The following ST6GALNAC3 variants were observed in gnomAD, a reference collection of about 807,000 sequenced individuals.
ST6GALNAC3 encodes ST6 N-acetylgalactosaminide alpha-2,6-sialyltransferase 3.
A neutral mutation model predicts 32.7 loss-of-function variants in ST6GALNAC3; 25 were observed. That is an observed-to-expected ratio of 0.76 (90% CI 0.56 to 1.07). The LOEUF (loss-of-function observed/expected upper bound fraction) is 1.07. Ranked by LOEUF, ST6GALNAC3 falls within the 50% of genes least tolerant of loss-of-function variation. The probability of loss-of-function intolerance (pLI) is 0.00; values close to 1 mark genes in which losing one functional copy is unlikely to be tolerated. For missense variants in ST6GALNAC3, 355 were observed against 382.4 expected (o/e 0.93, Z 0.60); for synonymous variants, 129 against 133.1 (o/e 0.97, Z 0.21).
intron 1 of ST6GALNAC3, among the ~76,000 whole-genome samples, chr1:76,155,151 A>G (rs1393678554): frequency 6.6e-6 from 1 of 152,084 alleles, no homozygotes; most frequent in Non-Finnish European, 1.5e-5. Flanking sequence ...TGCCCTTGGT[A>G]CAGGGTCTAG....
intron 1 of ST6GALNAC3, among the ~76,000 whole-genome samples, chr1:76,311,416 G>T (rs1396611194): frequency 6.6e-6 from 1 of 152,052 alleles, no homozygotes; most frequent in Non-Finnish European, 1.5e-5. Context: ...TTGTCCTAAT[G>T]CTCTCCCTCT....
chr1:76,331,866 G>T (rs1647192805), intron 2 of ST6GALNAC3, among the ~76,000 whole-genome samples: 1 of 152,184 alleles, frequency 6.6e-6, no homozygotes, highest in South Asian at 2.1e-4. Flanking sequence ...CCAGTGTATT[G>T]TGTCTTTTTT....
At chr1:76,383,896 AC>A (rs1352936834) in intron 2 of ST6GALNAC3, among the ~76,000 whole-genome samples, 2 of 152,190 alleles carry the variant, frequency 1.3e-5, no homozygotes, top group Non-Finnish European at 2.9e-5. Context: ...AAAAAGAATA[AC>A]AAAAGAATTT....
intron 3 of ST6GALNAC3, among the ~76,000 whole-genome samples, chr1:76,540,005 C>T (rs763095694): frequency 1.3e-5 from 2 of 151,972 alleles, no homozygotes; most frequent in Admixed American, 6.6e-5. Context: ...CCCATTACTG[C>T]GTATGTATCC....
intron 1 of ST6GALNAC3, among the ~76,000 whole-genome samples, chr1:76,195,051 A>G (rs1654117828): frequency 6.6e-6 from 1 of 152,188 alleles, no homozygotes; most frequent in African/African-American, 2.4e-5. Context: ...TACCACTCAA[A>G]TATCTCATCA....
intron 1 of ST6GALNAC3, among the ~76,000 whole-genome samples, chr1:76,161,044 C>G (rs1400391090): frequency 1.3e-5 from 2 of 152,164 alleles, no homozygotes; most frequent in African/African-American, 4.8e-5. Context: ...GAGTACTTAA[C>G]CTTGATTAAT....
chr1:76,317,938 G>A (rs1646895917), intron 2 of ST6GALNAC3, among the ~76,000 whole-genome samples: 1 of 152,068 alleles, frequency 6.6e-6, no homozygotes, highest in Non-Finnish European at 1.5e-5. Context: ...AGATGACTCT[G>A]GTCCCTTTGG....
intron 2 of ST6GALNAC3, among the ~76,000 whole-genome samples, chr1:76,364,083 A>C (rs1407216309): frequency 6.6e-6 from 1 of 152,220 alleles, no homozygotes; most frequent in African/African-American, 2.4e-5. Context: ...AAATATTTTT[A>C]GACAGAATAA....
chr1:76,596,211 A>C (rs1454352622), intron 3 of ST6GALNAC3, among the ~76,000 whole-genome samples: 2 of 152,076 alleles, frequency 1.3e-5, no homozygotes, highest in African/African-American at 4.8e-5. Flanking sequence ...TCCCCTTTGC[A>C]CTCAAGCAGA....
At chr1:76,287,268 T>C (rs193189615) in intron 1 of ST6GALNAC3, among the ~76,000 whole-genome samples, 2 of 152,348 alleles carry the variant, frequency 1.3e-5, no homozygotes, top group Admixed American at 6.5e-5. Flanking sequence ...GTTTGTGAAC[T>C]TGGTCATAAT....
At chr1:76,340,832 A>T (rs1647905432) in intron 2 of ST6GALNAC3, among the ~76,000 whole-genome samples, 1 of 152,084 alleles carries the variant, frequency 6.6e-6, no homozygotes, top group Non-Finnish European at 1.5e-5. Flanking sequence ...CTGGCCCATT[A>T]ACACCTTAGG....
At chr1:76,519,504 G>C (rs1032378887) in intron 3 of ST6GALNAC3, among the ~76,000 whole-genome samples, 4 of 152,004 alleles carry the variant, frequency 2.6e-5, no homozygotes, top group Middle Eastern at 3.2e-3. Context: ...GTAGACTGAC[G>C]AACTGAATTT....
intron 2 of ST6GALNAC3, among the ~76,000 whole-genome samples, chr1:76,405,362 A>G (rs535471826): frequency 6.6e-6 from 1 of 152,246 alleles, no homozygotes; most frequent in Non-Finnish European, 1.5e-5. Flanking sequence ...TATTGTCTAT[A>G]AGCTTATTCA....
chr1:76,556,262 T>G (rs2100397672), intron 3 of ST6GALNAC3, among the ~76,000 whole-genome samples: 1 of 152,270 alleles, frequency 6.6e-6, no homozygotes, highest in African/African-American at 2.4e-5. Flanking sequence ...ACACATACAT[T>G]TTATTAATTA....
intron 1 of ST6GALNAC3, among the ~76,000 whole-genome samples, chr1:76,227,446 A>T (rs1029011736): frequency 1.3e-5 from 2 of 152,188 alleles, no homozygotes; most frequent in African/African-American, 4.8e-5. Flanking sequence ...GAAGCACTTG[A>T]GGGCAGGGAC....
intron 2 of ST6GALNAC3, among the ~76,000 whole-genome samples, chr1:76,381,120 T>G (rs1419314984): frequency 2.0e-5 from 3 of 149,578 alleles, no homozygotes; most frequent in Non-Finnish European, 4.4e-5. Flanking sequence ...TTGGGATTCA[T>G]TTGTTGGGGA....
chr1:76,470,578 G>A (rs1658955431), intron 3 of ST6GALNAC3, among the ~76,000 whole-genome samples: 1 of 152,084 alleles, frequency 6.6e-6, no homozygotes, highest in African/African-American at 2.4e-5. Context: ...TTTCTCCTGT[G>A]TTGTCTCCCT....
At chr1:76,268,189 A>G (rs1445471562) in intron 1 of ST6GALNAC3, among the ~76,000 whole-genome samples, 1 of 152,250 alleles carries the variant, frequency 6.6e-6, no homozygotes, top group Non-Finnish European at 1.5e-5. Context: ...CTCCACTAAT[A>G]AACCGAGAAG....
At chr1:76,207,740 A>AG (rs1654900742) in intron 1 of ST6GALNAC3, among the ~76,000 whole-genome samples, 1 of 152,206 alleles carries the variant, frequency 6.6e-6, no homozygotes, top group Admixed American at 6.5e-5. Flanking sequence ...TGAGTTTTGG[A>AG]GGGGGACATT....
Sources: gnomAD v4.1 joint callset for allele counts (sites outside exome capture counted in the v4.1 genomes callset) on GRCh38, gnomAD v4.1.1 for gene constraint, MANE v1.5 for transcripts, NCBI Gene and HGNC (gene_info 2026-07-23, HGNC 2026-07-21) for gene names.